The following OXNAD1 variants were observed in gnomAD, a reference collection of about 807,000 sequenced individuals.
OXNAD1 encodes oxidoreductase NAD binding domain containing 1.
OXNAD1 carries 34 observed loss-of-function variants against 32.9 expected under a neutral mutation model. That is an observed-to-expected ratio of 1.03 (90% CI 0.79 to 1.38). The LOEUF (loss-of-function observed/expected upper bound fraction) is 1.38. Among genes scored for constraint, OXNAD1 ranks in the 40% most tolerant of loss-of-function variants. OXNAD1 has a pLI of 0.00. For missense variants in OXNAD1, 407 were observed against 379.4 expected (o/e 1.07, Z -0.60); for synonymous variants, 134 against 135.2 (o/e 0.99, Z 0.06).
chr3:16,274,752 C>T (rs1248426194), intron 4 of OXNAD1, among the ~76,000 whole-genome samples: 2 of 152,208 alleles, frequency 1.3e-5, no homozygotes, highest in African/African-American at 4.8e-5. Flanking sequence ...AACCTGACGT[C>T]TGTTTCAGGT....
chr3:16,328,594 G>A (rs919930994), intron 9 of OXNAD1, among the ~76,000 whole-genome samples: 1 of 152,190 alleles, frequency 6.6e-6, no homozygotes, highest in Non-Finnish European at 1.5e-5. Context: ...ATGGGTACTG[G>A]TCTATGTCGG....
rs113113176 is a variant in OXNAD1, at chr3:16,321,009, GA to G, written c.*31-16101del. ...TAGCTGAGGCGAGTGATGGTAGAGA[GA>G]AGTGGAGGGATTCCAGAGCCTCCGG... On this transcript the variant is annotated intron_variant, in intron 9 of 9. Transcript: ENST00000435829. The surrounding 1 kb of genome is among the most constrained non-coding windows in gnomAD (Gnocchi z 4.8). 6.7e-4 allele frequency among the ~76,000 whole-genome samples: 102 copies of G among 152,350 alleles called. No homozygotes were observed. Among genetic ancestry groups the G allele is most frequent in the African/African-American group, 2.2e-3 (93 of 41,580 alleles).
At chr3:16,279,451 T>C (rs527732764) in intron 4 of OXNAD1, among the ~76,000 whole-genome samples, 1 of 152,264 alleles carries the variant, frequency 6.6e-6, no homozygotes, top group South Asian at 2.1e-4. Context: ...CCCTGTTGGC[T>C]GTGTTAAATT....
rs1218309543 is a variant in OXNAD1, at chr3:16,288,989, CA to C, written c.290+2542del. On this transcript the variant is annotated intron_variant, in intron 5 of 8. Transcript: ENST00000285083. This position sits in a 1 kb window ranked among gnomAD's most constrained non-coding sequence, Gnocchi z 5.1. ...CTAGTGCCCTGGAGACTGCTCAGCTCACATGCTTGCTTTCTACCAGCCAGCT... is the reference window on the plus strand; with the variant it reads ...CTAGTGCCCTGGAGACTGCTCAGCTCCATGCTTGCTTTCTACCAGCCAGCT... 1.3e-5 allele frequency among the ~76,000 whole-genome samples: 2 copies of C among 152,194 alleles called. No individual in the cohort carries two copies. Among genetic ancestry groups the C allele is most frequent in the Non-Finnish European group, 2.9e-5 (2 of 68,040 alleles).
chr3:16,272,293 GAAAT>G (rs1209374151), intron 4 of OXNAD1: 2 of 342,132 alleles, frequency 5.8e-6, no homozygotes, highest in Non-Finnish European at 1.1e-5. Context: ...CAAGGGCTGA[GAAAT>G]AAAGGATCCT....
chr3:16,307,404 C>T (rs2125113556), downstream of OXNAD1, among the ~76,000 whole-genome samples: 1 of 152,178 alleles, frequency 6.6e-6, no homozygotes, highest in Admixed American at 6.5e-5. Context: ...GTTAAGAAGC[C>T]TCATGAAGAA....
At chr3:16,324,009 A>C (rs1001982711) in intron 9 of OXNAD1, among the ~76,000 whole-genome samples, 1 of 152,060 alleles carries the variant, frequency 6.6e-6, no homozygotes, top group African/African-American at 2.4e-5. Context: ...GGGAGGGGCG[A>C]CTCGTATCTT....
chr3:16,312,933 ATAT>A lies in OXNAD1; in HGVS notation c.*30+9347_*30+9349del, dbSNP rs1323846794. Among the ~76,000 whole-genome samples, 9 of 152,194 alleles carry A rather than the reference ATAT, an allele frequency of 5.9e-5. No individual in the cohort carries two copies. The highest frequency in any genetic ancestry group is 2.1e-4 in the South Asian group (1 of 4,832). On this transcript the variant is annotated intron_variant, in intron 9 of 9. Transcript: ENST00000435829. The surrounding 1 kb of genome is among the most constrained non-coding windows in gnomAD (Gnocchi z 4.7). ...TGATAAATAATTTAAGACTTTATAAATATTATTACAGTATTTCTGTTAAGATGG... is the reference window on the plus strand; with the variant it reads ...TGATAAATAATTTAAGACTTTATAAATATTACAGTATTTCTGTTAAGATGG...
chr3:16,308,402 T>C (rs1329860148), downstream of OXNAD1, among the ~76,000 whole-genome samples: 1 of 152,024 alleles, frequency 6.6e-6, no homozygotes, highest in Non-Finnish European at 1.5e-5. This position sits in a 1 kb window ranked among gnomAD's most constrained non-coding sequence, Gnocchi z 4.4. Context: ...CACAAACACG[T>C]GTGGATGCAG....
chr3:16,338,576 TAAAAA>T (rs1165932353), downstream of OXNAD1, among the ~76,000 whole-genome samples: 1 of 152,160 alleles, frequency 6.6e-6, no homozygotes, highest in South Asian at 2.1e-4. The surrounding 1 kb of genome is among the most constrained non-coding windows in gnomAD (Gnocchi z 5.3). Flanking sequence ...TGATAACAAT[TAAAAA>T]AGAAACATTT....
At chr3:16,351,065 A>C (rs924662684), downstream of OXNAD1, among the ~76,000 whole-genome samples, 2 of 152,228 alleles carry the variant, frequency 1.3e-5, no homozygotes, top group South Asian at 4.1e-4. The surrounding 1 kb of genome is among the most constrained non-coding windows in gnomAD (Gnocchi z 5.4). Flanking sequence ...GTGTTATTAC[A>C]CAGGATTCAC....
In OXNAD1 at chr3:16,316,830, A is replaced by G. The variant is rs768397951; in HGVS notation, c.*30+13238A>G. 3 of 1,613,834 alleles carry G rather than the reference A, an allele frequency of 1.9e-6. No homozygotes were observed. The highest frequency in any genetic ancestry group is 2.5e-6 in the Non-Finnish European group (3 of 1,179,948). ...TTTTAGCACAAATTGCCCAAGACTC[A>G]GTTTTCTTCAACCGTACCAAGCTCT... is the stretch of plus-strand genomic sequence containing the variant. On this transcript the variant is annotated intron_variant, in intron 9 of 9. Transcript: ENST00000435829. The surrounding 1 kb of genome is among the most constrained non-coding windows in gnomAD (Gnocchi z 4.5).
In OXNAD1 at chr3:16,327,990, G is replaced by A. The variant is rs528124516; in HGVS notation, c.*31-9122G>A. On this transcript the variant is annotated intron_variant, in intron 9 of 9. Coordinates refer to the OXNAD1 transcript ENST00000435829. The surrounding 1 kb of genome is among the most constrained non-coding windows in gnomAD (Gnocchi z 4.2). ...GTTTGGCTTCTTGTAGTTGGCTTCC[G>A]AAAATCTCAAACATGTATCCAGATT... Among the ~76,000 whole-genome samples the A allele has an allele frequency of 8.5e-5, 13 of 152,280 alleles. No homozygotes were observed. The East Asian group carries it at 2.1e-3, about 25-fold the overall frequency.
In OXNAD1 at chr3:16,297,683, A is replaced by G. The variant is rs1389512846; in HGVS notation, c.432+2686A>G. 1.3e-5 allele frequency among the ~76,000 whole-genome samples: 2 copies of G among 152,212 alleles called. No homozygotes were observed. Among genetic ancestry groups the G allele is most frequent in the Admixed American group, 6.5e-5 (1 of 15,280 alleles). On this transcript the variant is annotated intron_variant, in intron 6 of 8. Coordinates refer to ENST00000285083, the MANE Select transcript of OXNAD1 (RefSeq NM_138381.5). This position sits in a 1 kb window ranked among gnomAD's most constrained non-coding sequence, Gnocchi z 4.3. ...AGATGAATTATTGATGCATGCAGCA[A>G]TGTGGGTGAATCTCAGAGGCATTCT... is the stretch of plus-strand genomic sequence containing the variant.
rs914291671 is a variant in OXNAD1, at chr3:16,322,398, G to C, written c.*31-14714G>C. Among the ~76,000 whole-genome samples, 5 of 152,188 alleles carry C rather than the reference G, an allele frequency of 3.3e-5. No individual in the cohort carries two copies. The highest frequency in any genetic ancestry group is 7.3e-5 in the Non-Finnish European group (5 of 68,040). ...CATTTACTTGATGCTCCTTCCCAGG[G>C]CTCTGTGTCCAAAGAACATGAGGAA... On this transcript the variant is annotated intron_variant, in intron 9 of 9. Transcript: ENST00000435829. The surrounding 1 kb of genome is among the most constrained non-coding windows in gnomAD (Gnocchi z 6.2).
At position 16,336,388 on chromosome 3, in the gene OXNAD1, G is replaced by A. The variant is rs78695850; in HGVS notation, c.*31-724G>A. ...CCCATGGAGGTGAGGTGGAGGGAGG[G>A]AGAAGGGAAGGGGCGACCTGCTGCT... On this transcript the variant is annotated intron_variant, in intron 9 of 9. Transcript: ENST00000435829. This position sits in a 1 kb window ranked among gnomAD's most constrained non-coding sequence, Gnocchi z 6.0. 2.9e-3 allele frequency among the ~76,000 whole-genome samples: 446 copies of A among 152,310 alleles called. 1 individual carries two copies. Among genetic ancestry groups the A allele is most frequent in the African/African-American group, 0.01 (425 of 41,572 alleles).
At chr3:16,293,596 A>C (rs777774492) in intron 5 of OXNAD1, among the ~76,000 whole-genome samples, 1 of 152,094 alleles carries the variant, frequency 6.6e-6, no homozygotes, top group Non-Finnish European at 1.5e-5. Flanking sequence ...TAGGGGGGAA[A>C]CTTTCAGCCT....
At chr3:16,315,494 T>C (rs976522237) in intron 9 of OXNAD1, 2 of 152,248 alleles carry the variant, frequency 1.3e-5, no homozygotes, top group African/African-American at 4.8e-5. Flanking sequence ...AGAAATAACT[T>C]GCCTCACTAA....
In OXNAD1 at chr3:16,298,948, G is replaced by A. The variant is rs1331507805; in HGVS notation, c.433-2678G>A. The stretch of plus-strand genomic sequence containing the variant: ...TTTTATTGATCAACAAAAAGACAAA[G>A]ATGGCTTTTAATTCTTCCCGGATGC... On this transcript the variant is annotated intron_variant, in intron 6 of 8. Transcript: ENST00000285083. The surrounding 1 kb of genome is among the most constrained non-coding windows in gnomAD (Gnocchi z 5.1). 6.6e-6 allele frequency among the ~76,000 whole-genome samples: 1 copy of A among 152,158 alleles called. No homozygotes were observed. Among genetic ancestry groups the A allele is most frequent in the Non-Finnish European group, 1.5e-5 (1 of 68,024 alleles).
Sources: gnomAD v4.1 joint callset for allele counts (sites outside exome capture counted in the v4.1 genomes callset) on GRCh38, gnomAD v4.1.1 for gene constraint, Gnocchi (gnomAD v3.1) non-coding constraint, MANE v1.5 for transcripts, NCBI Gene and HGNC (gene_info 2026-07-23, HGNC 2026-07-21) for gene names.